The following CMYA5 variants were observed in gnomAD, a reference collection of about 807,000 sequenced individuals.
CMYA5 encodes the protein cardiomyopathy-associated protein 5.
In CMYA5, 246 loss-of-function variants were observed where a neutral mutation model predicts 318.9. The ratio of observed to expected loss-of-function variants is 0.77; its 90% CI spans 0.70 to 0.86. The LOEUF is 0.86. Among genes scored for constraint, CMYA5 ranks in the 40% least tolerant of loss-of-function variants. The probability of loss-of-function intolerance (pLI) is 0.00; values close to 1 mark genes in which losing one functional copy is unlikely to be tolerated. For synonymous variants in CMYA5, 1,641 were observed against 1,729.5 expected, an observed-to-expected ratio of 0.95 and a Z score of 1.27; for missense variants, 4,589 against 4,678.2, an observed-to-expected ratio of 0.98 and a Z score of 0.56.
intron 1 of CMYA5, among the ~76,000 whole-genome samples, chr5:79,697,540 A>G (rs1476540290): frequency 6.6e-6 from 1 of 152,216 alleles, no homozygotes; most frequent in Non-Finnish European, 1.5e-5. Flanking sequence ...TCCAAGCACT[A>G]TCACTTGTTA....
At chr5:79,773,679 G>A (rs1411268360) in intron 9 of CMYA5, among the ~76,000 whole-genome samples, 5 of 151,818 alleles carry the variant, frequency 3.3e-5, no homozygotes, top group Middle Eastern at 6.4e-3. Flanking sequence ...CTCAATAAAT[G>A]TCTGTTTCAC....
intron 1 of CMYA5, among the ~76,000 whole-genome samples, chr5:79,722,385 A>G (rs1040783973): frequency 1.3e-5 from 2 of 152,270 alleles, no homozygotes; most frequent in Middle Eastern, 3.4e-3. Flanking sequence ...ATGACATAAG[A>G]ATCTATCTTG....
In CMYA5 at chr5:79,791,066, C is replaced by A. The variant is rs965372503; in HGVS notation, c.11786C>A (p.Thr3929Lys). ...VISFGERRRL[T>K]EIPSVLGEEL... is the part of the protein sequence containing the mutation. Reference sequence around the variant, plus strand: ...AGCTTTGGTGAGAGGAGACGGCTGACGGAGTAAGTAGAAGAAGAAAGCACA... The same window carrying A: ...AGCTTTGGTGAGAGGAGACGGCTGAAGGAGTAAGTAGAAGAAGAAAGCACA... The change falls in exon 11 of 13, where the codon ACG (threonine) becomes AAG (lysine). Residue 3929 changes from threonine (T) to lysine (K), a missense_variant. Physicochemically the swap from Thr to Lys is moderately conservative, Grantham distance 78. Around this residue, in one of 3 missense-constraint regions of CMYA5, gnomAD observed 2,431 missense variants for 2,495.1 expected, o/e 0.97. Coordinates refer to ENST00000446378, the MANE Select transcript of CMYA5 (RefSeq NM_153610.5). The A allele has an allele frequency of 1.9e-6, 3 of 1,609,916 alleles. No homozygotes were observed. Among genetic ancestry groups the A allele is most frequent in the African/African-American group, 1.3e-5 (1 of 74,988 alleles).
At chr5:79,790,876 G>T in intron 10 of CMYA5, 94 bp from the exon 11 acceptor site, 2 of 776,640 alleles carry the variant, frequency 2.6e-6, no homozygotes, top group Admixed American at 2.3e-5. Flanking sequence ...TGACGTCAGG[G>T]GAAAGAGTCT....
chr5:79,714,219 G>T (rs546578307), intron 1 of CMYA5, among the ~76,000 whole-genome samples: 2 of 152,124 alleles, frequency 1.3e-5, no homozygotes, highest in South Asian at 4.1e-4. Flanking sequence ...TGCACATGTT[G>T]TTCCTTTTAC....
chr5:79,695,994 C>T (rs1827059818), intron 1 of CMYA5, among the ~76,000 whole-genome samples: 1 of 152,122 alleles, frequency 6.6e-6, no homozygotes, highest in South Asian at 2.1e-4. Flanking sequence ...ATTTGTTGAT[C>T]GGATAAGTGA....
In CMYA5 at chr5:79,729,330, T is replaced by G; in HGVS notation, c.565T>G (p.Tyr189Asp). 1 of 1,612,316 alleles carries G rather than the reference T, an allele frequency of 6.2e-7. No individual in the cohort carries two copies. The highest frequency in any genetic ancestry group is 8.5e-7 in the Non-Finnish European group (1 of 1,179,522). ...GAAAGAGAAGTCATATACTGGCATT[T>G]ATGATAAAGCAAGAAAAAAGAAGAC... is the stretch of plus-strand genomic sequence containing the variant. ...TEKEKSYTGI[Y>D]DKARKKKTTS... The change falls in exon 2 of 13, where the codon TAT becomes GAT. Residue 189 changes from tyrosine to aspartate, a missense_variant. Coordinates refer to ENST00000446378, the MANE Select transcript of CMYA5 (RefSeq NM_153610.5).
chr5:79,713,532 G>A (rs904073064), intron 1 of CMYA5, among the ~76,000 whole-genome samples: 4 of 151,922 alleles, frequency 2.6e-5, no homozygotes, highest in African/African-American at 7.3e-5. Context: ...GAATTTAGTG[G>A]TTGAGTTTTA....
intron 9 of CMYA5, chr5:79,763,438 G>A (rs1828694864): frequency 2.2e-6 from 1 of 464,444 alleles, no homozygotes; most frequent in Admixed American, 3.8e-5. Flanking sequence ...TAAGAAAAAT[G>A]TATGTGAATT....
At chr5:79,744,226 T>A (rs1449114462) in intron 3 of CMYA5, among the ~76,000 whole-genome samples, 1 of 152,220 alleles carries the variant, frequency 6.6e-6, no homozygotes. Flanking sequence ...TTATATGAGA[T>A]AGGTGTTATT....
Position 79,730,525 on chromosome 5 carries a change from C to G in CMYA5, c.1760C>G (p.Ser587Cys), listed in dbSNP as rs1307573538. Residue 587 changes from serine to cysteine, a missense_variant, in exon 2 of 13, where the codon TCT becomes TGT. Ser to Cys is a moderately radical substitution (Grantham distance 112, BLOSUM62 -1). Transcript: ENST00000446378. ...LSEEEREEIA[S>C]VSTGSAFVSE... ...GAGGAAGAAAGAGAGGAAATTGCAT[C>G]TGTTTCTACTGGTTCTGCTTTTGTA... is the stretch of plus-strand genomic sequence containing the variant. The G allele has an allele frequency of 1.1e-5, 17 of 1,613,818 alleles. No individual in the cohort carries two copies. Among genetic ancestry groups the G allele is most frequent in the Non-Finnish European group, 1.4e-5 (17 of 1,179,878 alleles).
Position 79,729,590 on chromosome 5 carries a change from T to C in CMYA5, c.825T>C (p.Asn275=). 1.9e-6 allele frequency: 3 copies of C among 1,613,240 alleles called. No homozygotes were observed. The highest frequency in any genetic ancestry group is 2.5e-6 in the Non-Finnish European group (3 of 1,179,208). Residue 275 remains asparagine (N), a synonymous_variant, in exon 2 of 13, where the codon AAT becomes AAC. Transcript: ENST00000446378. ...ASISLEPDLD[N]SGSNTVSKTR... is the part of the protein sequence containing the mutation. Reference sequence around the variant, plus strand: ...TTAGTCTAGAGCCAGATTTGGACAATAGTGGTTCTAATACAGTGTCCAAAA... The same window carrying C: ...TTAGTCTAGAGCCAGATTTGGACAACAGTGGTTCTAATACAGTGTCCAAAA...
chr5:79,786,870 G>T (rs1230066726), intron 9 of CMYA5, among the ~76,000 whole-genome samples: 1 of 152,182 alleles, frequency 6.6e-6, no homozygotes, highest in Non-Finnish European at 1.5e-5. Flanking sequence ...TATTACTTTT[G>T]TTTGCGTGCC....
At position 79,737,286 on chromosome 5, in the gene CMYA5, T is replaced by G. The variant is rs879227020; in HGVS notation, c.8521T>G (p.Leu2841Val). 1.9e-6 allele frequency: 3 copies of G among 1,613,802 alleles called. No homozygotes were observed. The Admixed American group carries it at 5.0e-5, about 27-fold the overall frequency. Residue 2841 changes from leucine to valine, a missense_variant, in exon 2 of 13, where the codon TTG (leucine) becomes GTG (valine). By Grantham distance (32) the Leu-to-Val change is conservative. This residue lies in a region of CMYA5 where 2,431 missense variants were observed against 2,495.1 expected (regional missense o/e 0.97). Transcript: ENST00000446378. ...VKKKEMPRSE[L>V]TPERHTVHTI... ...GAAAAAAGAAATGCCACGATCAGAA[T>G]TGACTCCAGAAAGGCATACAGTTCA...
intron 1 of CMYA5, among the ~76,000 whole-genome samples, chr5:79,710,140 C>G (rs1827361947): frequency 6.6e-6 from 1 of 151,992 alleles, no homozygotes; most frequent in Non-Finnish European, 1.5e-5. Context: ...GAGAATTCAG[C>G]TGTCTTCTGC....
chr5:79,758,546 A>T (rs1025013769), intron 6 of CMYA5, among the ~76,000 whole-genome samples: 5 of 151,996 alleles, frequency 3.3e-5, no homozygotes, highest in Non-Finnish European at 7.4e-5. Context: ...ATAAATAAAT[A>T]AAATTAAATT....
At chr5:79,723,859 G>A (rs1259040462) in intron 1 of CMYA5, among the ~76,000 whole-genome samples, 1 of 151,916 alleles carries the variant, frequency 6.6e-6, no homozygotes, top group Non-Finnish European at 1.5e-5. Context: ...CATAGTATTA[G>A]CAAACAAGAA....
intron 6 of CMYA5, 126 bp downstream of exon 6, chr5:79,752,920 TA>T: frequency 1.6e-6 from 1 of 620,068 alleles, no homozygotes; most frequent in Non-Finnish European, 2.8e-6. Context: ...AGAAAAGTAT[TA>T]GTTGTAAAAT....
At chr5:79,708,486 G>T (rs769123865) in intron 1 of CMYA5, among the ~76,000 whole-genome samples, 1 of 152,094 alleles carries the variant, frequency 6.6e-6, no homozygotes, top group African/African-American at 2.4e-5. Context: ...TTAGCCAGGC[G>T]TGGTGGCGGG....
Sources: gnomAD v4.1 joint callset for allele counts (sites outside exome capture counted in the v4.1 genomes callset) on GRCh38, gnomAD v4.1.1 for gene constraint, gnomAD v4.1.1 regional missense constraint, MANE v1.5 for transcripts, NCBI Gene and HGNC (gene_info 2026-07-23, HGNC 2026-07-21) for gene names.